The following FBXO27 variants were observed in gnomAD, a reference collection of about 807,000 sequenced individuals.
FBXO27 encodes the protein F-box only protein 27.
Under a neutral mutation model 28.3 loss-of-function variants are expected in FBXO27, and 28 were observed. That is an observed-to-expected ratio of 0.99 (90% CI 0.73 to 1.36). FBXO27 has a LOEUF of 1.36. FBXO27 is among the 40% of genes most tolerant of loss of function. FBXO27 has a pLI of 0.00. For missense variants in FBXO27, 388 were observed against 394.1 expected (o/e 0.98, Z 0.13); for synonymous variants, 175 against 167.3 (o/e 1.05, Z -0.36).
downstream of FBXO27, among the ~76,000 whole-genome samples, chr19:39,022,227 G>A (rs1166542438): frequency 6.8e-6 from 1 of 147,500 alleles, no homozygotes; most frequent in Admixed American, 6.8e-5. Context: ...CTCAATATCG[G>A]GGGCTCCAGT....
downstream of FBXO27, among the ~76,000 whole-genome samples, chr19:39,023,017 C>G (rs1450492441): frequency 1.3e-5 from 2 of 151,904 alleles, no homozygotes; most frequent in African/African-American, 4.8e-5. Context: ...ATTGGCCTGG[C>G]TGGTCTCGAA....
chr19:39,022,518 C>T (rs949005692), downstream of FBXO27, among the ~76,000 whole-genome samples: 11 of 151,862 alleles, frequency 7.2e-5, no homozygotes, highest in African/African-American at 2.4e-4. Context: ...GTGATCTTGG[C>T]TCACTGCAAC....
chr19:39,020,287 G>A (rs55854060), downstream of FBXO27, among the ~76,000 whole-genome samples: 17,869 of 151,896 alleles, frequency 0.12, 1,186 homozygotes, highest in African/African-American at 0.15. Flanking sequence ...CAACAAGAAG[G>A]CCTGGACAAC....
intron 4 of FBXO27, among the ~76,000 whole-genome samples, chr19:39,029,464 CA>C (rs1405806512): frequency 6.6e-6 from 1 of 151,546 alleles, no homozygotes; most frequent in East Asian, 1.9e-4. Context: ...GCTAAGGCCC[CA>C]AATTTCCAAT....
downstream of FBXO27, among the ~76,000 whole-genome samples, chr19:39,019,421 T>C (rs2072834610): frequency 1.8e-5 from 1 of 57,026 alleles, no homozygotes; most frequent in Admixed American, 3.4e-4. Flanking sequence ...TGAGACTCTG[T>C]CTCAAAAAAA....
chr19:39,025,391 G>T lies in FBXO27; in HGVS notation c.*20C>A. ...CTGGAAGGCACAGTCAGGCTGTCTT[G>T]CAAGAAGGGTAGTGCTGGACTAGGA... On this transcript the variant is annotated 3_prime_UTR_variant, in exon 6 of 6. Coordinates refer to ENST00000292853, the MANE Select transcript of FBXO27 (RefSeq NM_178820.5). 1 of 1,605,482 alleles carries T rather than the reference G, an allele frequency of 6.2e-7. No homozygotes were observed. Among genetic ancestry groups the T allele is most frequent in the Non-Finnish European group, 8.5e-7 (1 of 1,174,724 alleles).
intron 2 of FBXO27, among the ~76,000 whole-genome samples, chr19:39,009,240 G>A (rs111677245): frequency 6.6e-6 from 1 of 152,142 alleles, no homozygotes; most frequent in African/African-American, 2.4e-5. Context: ...GAATAATGTA[G>A]TTATGAACAT....
downstream of FBXO27, among the ~76,000 whole-genome samples, chr19:39,023,041 G>A (rs541967305): frequency 7.4e-4 from 113 of 152,158 alleles, 4 homozygotes; most frequent in South Asian, 0.023. Context: ...ATGACCTCTG[G>A]TGATCCATCT....
In FBXO27 at chr19:39,032,314, G is replaced by C; in HGVS notation, c.-26-61C>G. 2.5e-5 allele frequency: 34 copies of C among 1,368,432 alleles called. No homozygotes were observed. The highest frequency in any genetic ancestry group is 3.2e-5 in the Non-Finnish European group (34 of 1,068,318). 84.8% of individuals were successfully genotyped at this position (1,368,432 alleles called of 1,614,324 possible). On this transcript the variant is annotated intron_variant, in intron 1 of 5. Coordinates refer to ENST00000292853, the MANE Select transcript of FBXO27 (RefSeq NM_178820.5). This position sits in a 1 kb window ranked among gnomAD's most constrained non-coding sequence, Gnocchi z 4.7. Reference sequence around the variant, plus strand: ...GCAGCCTCCGCGGCGCGCAGCCTCTGCCTGCCCTGATTCTGCCAGCCGCAC... The same window carrying C: ...GCAGCCTCCGCGGCGCGCAGCCTCTCCCTGCCCTGATTCTGCCAGCCGCAC...
At chr19:39,018,414 G>A (rs1217007811) in intron 1 of FBXO27, among the ~76,000 whole-genome samples, 1 of 152,090 alleles carries the variant, frequency 6.6e-6, no homozygotes, top group African/African-American at 2.4e-5. Context: ...CCAGGAGTTC[G>A]TTTCTCCAGT....
downstream of FBXO27, among the ~76,000 whole-genome samples, chr19:39,019,735 TTTTGTTTGTTTGTTTTG>T (rs2072836822): frequency 6.6e-6 from 1 of 150,714 alleles, no homozygotes; most frequent in African/African-American, 2.5e-5. Flanking sequence ...AAAGAGGGTT[TTTTGTTTGTTTGTTTTG>T]TTTGTTTGTT....
chr19:39,020,274 G>A (rs1036176323), downstream of FBXO27, among the ~76,000 whole-genome samples: 8 of 152,170 alleles, frequency 5.3e-5, no homozygotes, highest in African/African-American at 1.7e-4. Flanking sequence ...TCTTTCAGTT[G>A]TACAACAAGA....
chr19:39,007,356 C>T (rs1047787406), intron 2 of FBXO27, among the ~76,000 whole-genome samples: 9 of 152,172 alleles, frequency 5.9e-5, no homozygotes, highest in African/African-American at 1.9e-4. Context: ...TGGACAGCAA[C>T]CCCAGCTGGG....
chr19:39,023,996 T>C (rs1003734525), downstream of FBXO27: 3 of 152,216 alleles, frequency 2.0e-5, no homozygotes, highest in African/African-American at 7.2e-5. Context: ...TAACTCTGCA[T>C]TTCTATTAAA....
At chr19:39,014,775 A>T (rs999833730) in intron 1 of FBXO27, among the ~76,000 whole-genome samples, 4 of 151,886 alleles carry the variant, frequency 2.6e-5, no homozygotes, top group Admixed American at 1.3e-4. Flanking sequence ...ACCTTCAAGA[A>T]AAAGAGAAGA....
chr19:39,025,187 C>A lies in FBXO27; in HGVS notation c.*224G>T. On this transcript the variant is annotated 3_prime_UTR_variant, in exon 6 of 6. Coordinates refer to ENST00000292853, the MANE Select transcript of FBXO27 (RefSeq NM_178820.5). ...GTTTCCCCTCAGTACAGTAGGGCCC[C>A]CCCGCAAAGCAGCAGCTGCAGTAGG... 1.8e-6 allele frequency: 1 copy of A among 565,570 alleles called. No homozygotes were observed. The highest frequency in any genetic ancestry group is 3.0e-6 in the Non-Finnish European group (1 of 332,428). 35.0% of individuals were successfully genotyped at this position (565,570 alleles called of 1,614,324 possible).
intron 2 of FBXO27, among the ~76,000 whole-genome samples, chr19:39,013,569 G>A (rs2072805776): frequency 6.6e-6 from 1 of 151,944 alleles, no homozygotes; most frequent in South Asian, 2.1e-4. Context: ...GGTGGAGGTT[G>A]CAGTGAGCTG....
Position 39,027,940 on chromosome 19 carries a change from C to G in FBXO27, c.573-935G>C, listed in dbSNP as rs1273766512. Reference sequence around the variant, plus strand: ...GAACTTTGTAGCAAGCTCTAAACTTCTCACAAATATTGATGCCTGTCTGGG... The same window carrying G: ...GAACTTTGTAGCAAGCTCTAAACTTGTCACAAATATTGATGCCTGTCTGGG... On this transcript the variant is annotated intron_variant, in intron 4 of 5. Transcript: ENST00000292853. Among the ~76,000 whole-genome samples the G allele has an allele frequency of 5.3e-5, 8 of 152,236 alleles. No homozygotes were observed. The East Asian group carries it at 1.5e-3, about 29-fold the overall frequency.
At position 39,031,238 on chromosome 19, in the gene FBXO27, AG is replaced by A; in HGVS notation, c.446del (p.Pro149LeufsTer7). On this transcript the variant is annotated frameshift_variant, in exon 3 of 6. Transcript: ENST00000292853. LOFTEE classifies it high-confidence loss of function. ...EENRTTVPGA[P>X]SQTCFVTSFS... ...ATGAAGTCACGAAGCACGTCTGAGA[AG>A]GGGCCCCAGGCACGGTTGTCCTGTT... 6.2e-7 allele frequency: 1 copy of A among 1,614,124 alleles called. No individual in the cohort carries two copies. The highest frequency in any genetic ancestry group is 8.5e-7 in the Non-Finnish European group (1 of 1,180,016).
Sources: allele counts gnomAD v4.1 joint callset (sites outside exome capture counted in the v4.1 genomes callset), GRCh38; gene constraint gnomAD v4.1.1; non-coding constraint Gnocchi (gnomAD v3.1); transcripts MANE v1.5; gene names NCBI Gene and HGNC (gene_info 2026-07-23, HGNC 2026-07-21).